TNIK: variants seen among roughly 807,000 people sequenced by gnomAD.
TNIK encodes the protein TRAF2 and NCK-interacting protein kinase.
In TNIK, 49 loss-of-function variants were observed where a neutral mutation model predicts 191.3. That is an observed-to-expected ratio of 0.26 (90% confidence interval 0.20 to 0.32). TNIK has a LOEUF of 0.32. Ranked by LOEUF, TNIK falls within the 10% of genes least tolerant of loss-of-function variation. The probability of loss-of-function intolerance (pLI) is 1.00; values close to 1 mark genes in which losing one functional copy is unlikely to be tolerated. For missense variants in TNIK, 1,155 were observed against 1,702.3 expected, an observed-to-expected ratio of 0.68 and a Z score of 5.66; for synonymous variants, 594 against 600.9, an observed-to-expected ratio of 0.99 and a Z score of 0.17.
In TNIK at chr3:171,070,101, A is replaced by G. The variant is rs535069669; in HGVS notation, c.3550-1104T>C. On this transcript the variant is annotated intron_variant, in intron 29 of 32. Transcript: ENST00000436636. ...TGTTGATTGAAAAGCTTTTGTGGAGATAGATTTTGGCAGAACAGGAGTACC... is the reference window on the plus strand; with the variant it reads ...TGTTGATTGAAAAGCTTTTGTGGAGGTAGATTTTGGCAGAACAGGAGTACC... Among the ~76,000 whole-genome samples, 3 of 152,358 alleles carry G rather than the reference A, an allele frequency of 2.0e-5. No homozygotes were observed. In the South Asian group the frequency reaches 6.2e-4, roughly 32 times the overall value.
In TNIK at chr3:171,159,509, T is replaced by TC. The variant is rs1733694321; in HGVS notation, c.1016+1760_1016+1761insG. Among the ~76,000 whole-genome samples, 1 of 152,158 alleles carries TC rather than the reference T, an allele frequency of 6.6e-6. No individual in the cohort carries two copies. Among genetic ancestry groups the TC allele is most frequent in the South Asian group, 2.1e-4 (1 of 4,826 alleles). On this transcript the variant is annotated intron_variant, in intron 11 of 32. Transcript: ENST00000436636. This position sits in a 1 kb window ranked among gnomAD's most constrained non-coding sequence, Gnocchi z 4.1. ...CTACTCACAAGCCTTCTCTAAAACT[T>TC]AGAGCCTTTGTGTCAAACTCTAAAA...
chr3:171,100,236 C>CA (rs1363905703), intron 22 of TNIK, among the ~76,000 whole-genome samples: 2 of 152,114 alleles, frequency 1.3e-5, no homozygotes, highest in Non-Finnish European at 2.9e-5. Context: ...GCCTCTAGAA[C>CA]AATTTTATTT....
chr3:171,357,551 CTT>C lies in TNIK; in HGVS notation c.123+12067_123+12068del, dbSNP rs77632080. ...TGATCCATCTGCCTCAGCCTCTGTA[CTT>C]TTTTTTTTTTTTTTTTGGTACATAT... is the stretch of plus-strand genomic sequence containing the variant. On this transcript the variant is annotated intron_variant, in intron 2 of 32. Transcript: ENST00000436636. Among the ~76,000 whole-genome samples the C allele has an allele frequency of 3.3e-3, 425 of 126,892 alleles. 3 individuals are homozygous for C. The highest frequency in any genetic ancestry group is 0.011 in the African/African-American group (388 of 34,304). The allele number at this position is 126,892 out of a possible 152,430, so 83.2% of individuals were successfully genotyped here. A position where few individuals can be genotyped will look rare whatever the true frequency, so the allele number is the denominator to read the frequency against.
chr3:171,145,779 C>CT (rs397875512), intron 12 of TNIK, among the ~76,000 whole-genome samples: 4,291 of 133,352 alleles, frequency 0.032, 150 homozygotes, highest in African/African-American at 0.091. Context: ...TCAGTCTTTC[C>CT]TTTTTTTTTT....
At chr3:171,316,027 G>T (rs151059376) in intron 2 of TNIK, among the ~76,000 whole-genome samples, 1 of 151,992 alleles carries the variant, frequency 6.6e-6, no homozygotes, top group Non-Finnish European at 1.5e-5. Flanking sequence ...TCTCACTGGC[G>T]TCAAGGAGTT....
chr3:171,333,525 G>C (rs1465931105), intron 2 of TNIK, among the ~76,000 whole-genome samples: 1 of 143,322 alleles, frequency 7.0e-6, no homozygotes, highest in African/African-American at 2.6e-5. Context: ...AGCGAGCCAA[G>C]ATCGCACCAC....
At chr3:171,238,409 GT>G (rs966740985) in intron 2 of TNIK, among the ~76,000 whole-genome samples, 9 of 150,922 alleles carry the variant, frequency 6.0e-5, no homozygotes, top group South Asian at 4.2e-4. Context: ...TTAAAAACTA[GT>G]TTTTTTTTAA....
intron 9 of TNIK, among the ~76,000 whole-genome samples, chr3:171,169,844 C>T (rs1735070265): frequency 6.6e-6 from 1 of 152,100 alleles, no homozygotes. Context: ...TAACTTTGGG[C>T]CTAAAAGATG....
intron 2 of TNIK, among the ~76,000 whole-genome samples, chr3:171,330,606 C>T (rs1029044764): frequency 2.6e-5 from 4 of 152,108 alleles, no homozygotes; most frequent in African/African-American, 9.7e-5. Flanking sequence ...GCCTTGTAAG[C>T]TGGAGGAGGT....
intron 23 of TNIK, among the ~76,000 whole-genome samples, chr3:171,090,410 CTTTCT>C (rs1249753718): frequency 6.7e-6 from 1 of 148,936 alleles, no homozygotes; most frequent in African/African-American, 2.5e-5. Context: ...TCTTTTTTTT[CTTTCT>C]TTTCTTTCTT....
intron 2 of TNIK, among the ~76,000 whole-genome samples, chr3:171,352,100 C>A (rs1713300816): frequency 6.6e-6 from 1 of 152,204 alleles, no homozygotes; most frequent in African/African-American, 2.4e-5. Context: ...GCATTTCCAA[C>A]AATCTCCCAG....
intron 2 of TNIK, among the ~76,000 whole-genome samples, chr3:171,369,153 A>G (rs1299720666): frequency 1.7e-4 from 26 of 152,182 alleles, no homozygotes; most frequent in Admixed American, 1.4e-3. Flanking sequence ...CGTCGCTGCT[A>G]TTAAGCTTTT....
chr3:171,239,905 T>C (rs931327288), intron 2 of TNIK, among the ~76,000 whole-genome samples: 1 of 151,818 alleles, frequency 6.6e-6, no homozygotes, highest in Admixed American at 6.6e-5. Flanking sequence ...AGAACACTTT[T>C]GTCTGAAATC....
intron 27 of TNIK, among the ~76,000 whole-genome samples, chr3:171,081,712 A>G (rs992983304): frequency 9.8e-5 from 14 of 142,840 alleles, no homozygotes; most frequent in African/African-American, 3.7e-4. Flanking sequence ...TTTTTTTCCT[A>G]TATAAGGCTC....
chr3:171,165,820 A>G (rs139085246), intron 10 of TNIK, among the ~76,000 whole-genome samples: 2 of 152,156 alleles, frequency 1.3e-5, no homozygotes, highest in East Asian at 1.9e-4. Flanking sequence ...TTTCACTGCT[A>G]TCCTCCCAGC....
At chr3:171,139,674 A>T (rs571539654) in intron 13 of TNIK, 118 bp from the exon 14 acceptor site, 1 of 826,648 alleles carries the variant, frequency 1.2e-6, no homozygotes, top group East Asian at 2.5e-5. Flanking sequence ...GGGGAAAAAT[A>T]CCCAAATACC....
intron 13 of TNIK, among the ~76,000 whole-genome samples, chr3:171,139,847 CAGG>C (rs1730567360): frequency 6.6e-6 from 1 of 152,202 alleles, no homozygotes; most frequent in Non-Finnish European, 1.5e-5. Flanking sequence ...CTTTTCATTA[CAGG>C]TTCCTCTCTT....
intron 13 of TNIK, among the ~76,000 whole-genome samples, chr3:171,140,165 T>C (rs1730606514): frequency 6.6e-6 from 1 of 152,182 alleles, no homozygotes; most frequent in African/African-American, 2.4e-5. Flanking sequence ...GTTGGGAGAA[T>C]CGGAAGATCC....
chr3:171,157,163 G>A (rs1403568036), intron 12 of TNIK, among the ~76,000 whole-genome samples: 1 of 152,226 alleles, frequency 6.6e-6, no homozygotes, highest in Non-Finnish European at 1.5e-5. Flanking sequence ...GGACATGCTG[G>A]AGGGAGGGAC....
Sources: gnomAD v4.1 joint callset for allele counts (sites outside exome capture counted in the v4.1 genomes callset) on GRCh38, gnomAD v4.1.1 for gene constraint, Gnocchi (gnomAD v3.1) non-coding constraint, MANE v1.5 for transcripts, NCBI Gene and HGNC (gene_info 2026-07-23, HGNC 2026-07-21) for gene names.